The following PCCA variants were observed in gnomAD, a reference collection of about 807,000 sequenced individuals.
The protein encoded by PCCA is propionyl-CoA carboxylase alpha chain, mitochondrial.
In PCCA, 74 loss-of-function variants were observed where a neutral mutation model predicts 101.3. The ratio of observed to expected loss-of-function variants is 0.73; its 90% CI spans 0.61 to 0.89. PCCA has a LOEUF of 0.89. PCCA is among the 40% of genes least tolerant of loss of function. The probability of loss-of-function intolerance (pLI) is 0.00; values close to 1 mark genes in which losing one functional copy is unlikely to be tolerated. For missense variants in PCCA, 891 were observed against 907.0 expected, an observed-to-expected ratio of 0.98 and a Z score of 0.23; for synonymous variants, 294 against 313.6, an observed-to-expected ratio of 0.94 and a Z score of 0.66.
At chr13:100,471,496 A>G (rs930850179) in intron 21 of PCCA, among the ~76,000 whole-genome samples, 3 of 152,242 alleles carry the variant, frequency 2.0e-5, no homozygotes, top group African/African-American at 7.2e-5. Context: ...TAAATTGTAA[A>G]AAGTGCATTA....
chr13:100,334,900 C>T (rs1303488504), intron 17 of PCCA, among the ~76,000 whole-genome samples: 1 of 151,894 alleles, frequency 6.6e-6, no homozygotes, highest in Non-Finnish European at 1.5e-5. Flanking sequence ...CTTAAGAAAG[C>T]CTTAGGTATT....
intron 19 of PCCA, among the ~76,000 whole-genome samples, chr13:100,393,884 A>G (rs955069493): frequency 6.6e-5 from 10 of 152,192 alleles, no homozygotes; most frequent in Admixed American, 2.0e-4. Flanking sequence ...TTGTTTTGAG[A>G]TCAGGTAGAA....
intron 19 of PCCA, among the ~76,000 whole-genome samples, chr13:100,414,960 T>C (rs1447215115): frequency 6.6e-6 from 1 of 152,186 alleles, no homozygotes; most frequent in African/African-American, 2.4e-5. Context: ...GCTTTTCACA[T>C]GTGAACTTAA....
chr13:100,329,890 T>C (rs1472881047), intron 16 of PCCA, among the ~76,000 whole-genome samples: 1 of 152,144 alleles, frequency 6.6e-6, no homozygotes, highest in East Asian at 1.9e-4. Flanking sequence ...GCTCAGCAAA[T>C]CGATGGGATA....
intron 1 of PCCA, among the ~76,000 whole-genome samples, chr13:100,090,427 C>T (rs562733679): frequency 6.6e-6 from 1 of 152,282 alleles, no homozygotes; most frequent in East Asian, 1.9e-4. Flanking sequence ...ACATAGGAGG[C>T]AAGTTAGTAT....
intron 19 of PCCA, among the ~76,000 whole-genome samples, chr13:100,422,973 T>C (rs1254387561): frequency 6.6e-6 from 1 of 152,046 alleles, no homozygotes; most frequent in Non-Finnish European, 1.5e-5. Context: ...GTAGTTCTTG[T>C]GTTATATGCT....
intron 4 of PCCA, among the ~76,000 whole-genome samples, chr13:100,113,411 G>C (rs1443006650): frequency 6.6e-6 from 1 of 151,968 alleles, no homozygotes; most frequent in East Asian, 1.9e-4. Context: ...GTGATCAAAG[G>C]CCTAGGACAT....
chr13:100,203,472 T>C (rs897542644), intron 6 of PCCA, among the ~76,000 whole-genome samples: 1 of 152,026 alleles, frequency 6.6e-6, no homozygotes, highest in Admixed American at 6.6e-5. Context: ...GGTGGATCAC[T>C]TGAGGTCAGG....
chr13:100,098,706 G>A (rs2152234243), intron 1 of PCCA, among the ~76,000 whole-genome samples: 1 of 152,314 alleles, frequency 6.6e-6, no homozygotes, highest in South Asian at 2.1e-4. Context: ...TGGAGCTCTA[G>A]AGTTGACATG....
chr13:100,506,956 A>G (rs2086129905), intron 21 of PCCA, among the ~76,000 whole-genome samples: 1 of 152,226 alleles, frequency 6.6e-6, no homozygotes, highest in Non-Finnish European at 1.5e-5. Context: ...GTGCTTTAAA[A>G]AGGTACTTTC....
At chr13:100,475,766 T>C (rs1211463654) in intron 21 of PCCA, among the ~76,000 whole-genome samples, 1 of 152,198 alleles carries the variant, frequency 6.6e-6, no homozygotes, top group Non-Finnish European at 1.5e-5. Flanking sequence ...CCACCAGCAA[T>C]GGGAGCGATC....
intron 12 of PCCA, among the ~76,000 whole-genome samples, chr13:100,293,847 G>GTA (rs893207881): frequency 3.3e-5 from 5 of 152,166 alleles, no homozygotes; most frequent in African/African-American, 1.2e-4. Context: ...ATACAGATAT[G>GTA]TATAGATAAG....
chr13:100,165,819 G>A (rs564023318), intron 6 of PCCA, among the ~76,000 whole-genome samples: 1 of 152,184 alleles, frequency 6.6e-6, no homozygotes, highest in Admixed American at 6.5e-5. Flanking sequence ...ATCACTTGAG[G>A]CCAGAAGTTT....
chr13:100,319,302 G>A, intron 16 of PCCA, among the ~76,000 whole-genome samples: 1 of 151,834 alleles, frequency 6.6e-6, no homozygotes. Context: ...TCACTCTGAT[G>A]GTAGTTTCTT....
intron 16 of PCCA, among the ~76,000 whole-genome samples, chr13:100,318,097 TTCTGGATTGCATAAA>T (rs2067569416): frequency 6.6e-6 from 1 of 152,186 alleles, no homozygotes; most frequent in Admixed American, 6.5e-5. Flanking sequence ...GCCTAAGTGA[TTCTGGATTGCATAAA>T]TCTAGTCATA....
Position 100,155,180 on chromosome 13 carries a change from A to G in PCCA, c.414+88A>G, listed in dbSNP as rs9585365. The stretch of plus-strand genomic sequence containing the variant: ...TTGTATTTAAAAAAAAAAATAGGAA[A>G]GAATGATTGAAAATGCTGTTGCAGT... On this transcript the variant is annotated intron_variant, in intron 5 of 23. Transcript: ENST00000376285. The G allele has an allele frequency of 0.16, 139,972 of 886,100 alleles. 12,208 individuals are homozygous for G. The highest frequency in any genetic ancestry group is 0.2 in the Middle Eastern group (924 of 4,530). 54.9% of individuals were successfully genotyped at this position (886,100 alleles called of 1,614,324 possible). A position where few individuals can be genotyped will look rare whatever the true frequency, so the allele number is the denominator to read the frequency against.
At chr13:100,430,518 C>T (rs558857571) in intron 20 of PCCA, among the ~76,000 whole-genome samples, 29 of 152,290 alleles carry the variant, frequency 1.9e-4, no homozygotes, top group Admixed American at 1.5e-3. Context: ...GTTGTCTTCT[C>T]CCCACCAGCA....
intron 7 of PCCA, among the ~76,000 whole-genome samples, chr13:100,212,212 G>T (rs2059260387): frequency 6.6e-6 from 1 of 152,156 alleles, no homozygotes; most frequent in African/African-American, 2.4e-5. Context: ...TGGTACTATA[G>T]CCCATGCACA....
intron 21 of PCCA, among the ~76,000 whole-genome samples, chr13:100,474,464 C>CTCTCTCTCTCTCTCTCTCTG (rs1555310452): frequency 2.7e-5 from 4 of 149,142 alleles, no homozygotes; most frequent in African/African-American, 9.9e-5. Context: ...CTCTCTCTCT[C>CTCTCTCTCTCTCTCTCTCTG]TCTCTGTCTC....
Sources: allele counts gnomAD v4.1 joint callset (sites outside exome capture counted in the v4.1 genomes callset), GRCh38; gene constraint gnomAD v4.1.1; transcripts MANE v1.5; gene names NCBI Gene and HGNC (gene_info 2026-07-23, HGNC 2026-07-21).